The following WDSUB1 variants were observed in gnomAD, a reference collection of about 807,000 sequenced individuals.
WDSUB1 encodes the protein WD repeat, SAM and U-box domain-containing protein 1.
A neutral mutation model predicts 53.9 loss-of-function variants in WDSUB1; 49 were observed. The ratio of observed to expected loss-of-function variants is 0.91; its 90% CI spans 0.72 to 1.15. The LOEUF (loss-of-function observed/expected upper bound fraction) is 1.15. WDSUB1 is among the 50% of genes most tolerant of loss of function. The pLI, the probability that WDSUB1 is intolerant of heterozygous loss-of-function variation, is 0.00. For synonymous variants in WDSUB1, 194 were observed against 200.6 expected, an observed-to-expected ratio of 0.97 and a Z score of 0.28; for missense variants, 514 against 562.0, an observed-to-expected ratio of 0.91 and a Z score of 0.86.
chr2:159,258,019 CAAGT>C (rs1169491656), intron 6 of WDSUB1, 34 bp from the exon 7 acceptor site: 11 of 1,594,028 alleles, frequency 6.9e-6, no homozygotes, highest in Admixed American at 3.3e-5. Context: ...TAAATTTACT[CAAGT>C]AAGAGTAAAG....
rs1466285144 is a variant in WDSUB1 at position 159,257,768 on chromosome 2, TG to T, written c.941del (p.Thr314AsnfsTer12). 6 of 1,613,956 alleles carry T rather than the reference TG, an allele frequency of 3.7e-6. No individual in the cohort carries two copies. The highest frequency in any genetic ancestry group is 5.1e-6 in the Non-Finnish European group (6 of 1,179,822). On this transcript the variant is annotated frameshift_variant, in exon 8 of 11. Coordinates refer to ENST00000359774, the MANE Select transcript of WDSUB1 (RefSeq NM_001128212.3). LOFTEE classifies it high-confidence loss of function. ...GATGTCCTTACTAACCTTGGCAAAGTGTTTCCAGGTCAAATTGCCAGATGTT... is the reference window on the plus strand; with the variant it reads ...GATGTCCTTACTAACCTTGGCAAAGTTTTCCAGGTCAAATTGCCAGATGTT... ...TVNIWQFDLE[T>X]LCQARRTEHQ...
chr2:159,238,257 G>A (rs1204027422), intron 10 of WDSUB1, among the ~76,000 whole-genome samples: 2 of 150,024 alleles, frequency 1.3e-5, no homozygotes, highest in South Asian at 2.1e-4. Context: ...CCCAGAGAGC[G>A]AAGTTTTCCC....
chr2:159,264,407 G>A (rs180892950), intron 5 of WDSUB1, among the ~76,000 whole-genome samples: 2 of 152,324 alleles, frequency 1.3e-5, no homozygotes, highest in Admixed American at 1.3e-4. Context: ...AGTCATTGCT[G>A]AGCAAGAGGG....
Position 159,259,858 on chromosome 2 carries a change from A to G in WDSUB1, c.771-15T>C. On this transcript the variant is annotated splice_polypyrimidine_tract_variant and intron_variant, in intron 5 of 10. Coordinates refer to ENST00000359774, the MANE Select transcript of WDSUB1 (RefSeq NM_001128212.3). Reference sequence around the variant, plus strand: ...TATCCACTGACCTTAAAAGAAAATAAATTATAGGTGAAAAGTTCTATAAAA... The same window carrying G: ...TATCCACTGACCTTAAAAGAAAATAGATTATAGGTGAAAAGTTCTATAAAA... 1 of 1,507,390 alleles carries G rather than the reference A, an allele frequency of 6.6e-7. No homozygotes were observed. The highest frequency in any genetic ancestry group is 9.0e-7 in the Non-Finnish European group (1 of 1,111,168). The allele number at this position is 1,507,390 out of a possible 1,614,324, so 93.4% of individuals were successfully genotyped here. A position where few individuals can be genotyped will look rare whatever the true frequency, so the allele number is the denominator to read the frequency against.
At chr2:159,272,078 G>C (rs2061454392) in intron 4 of WDSUB1, among the ~76,000 whole-genome samples, 1 of 152,184 alleles carries the variant, frequency 6.6e-6, no homozygotes, top group African/African-American at 2.4e-5. Flanking sequence ...CCTATGGCCT[G>C]GGAGCTACAG....
chr2:159,272,361 AG>A (rs2061459823), intron 4 of WDSUB1, among the ~76,000 whole-genome samples: 1 of 152,202 alleles, frequency 6.6e-6, no homozygotes, highest in African/African-American at 2.4e-5. Context: ...GTAGTGACTC[AG>A]GGAAGAGACA....
chr2:159,257,099 C>G (rs1432191219), intron 8 of WDSUB1, among the ~76,000 whole-genome samples: 1 of 152,046 alleles, frequency 6.6e-6, no homozygotes, highest in Non-Finnish European at 1.5e-5. Context: ...CTCCTGGGCT[C>G]AGGTGATCCT....
intron 10 of WDSUB1, 124 bp from the exon 11 acceptor site, chr2:159,236,314 T>C: frequency 1.0e-6 from 1 of 960,340 alleles, no homozygotes; most frequent in Non-Finnish European, 1.5e-6. Flanking sequence ...ATTCCTGTCT[T>C]GCTTGTACCA....
chr2:159,236,056 A>G lies in WDSUB1; in HGVS notation c.1408T>C (p.Trp470Arg), dbSNP rs754990320. The G allele has an allele frequency of 1.9e-6, 3 of 1,607,960 alleles. No individual in the cohort carries two copies. Among genetic ancestry groups the G allele is most frequent in the Non-Finnish European group, 2.5e-6 (3 of 1,178,468 alleles). ...NRTLKMAINRWLETHQK is the reference protein window; with the variant it reads ...NRTLKMAINRRLETHQK ...TTTTACTTTTGGTGTGTCTCCAGCC[A>G]TCTATTGATGGCCATTTTCAGAGTC... is the stretch of plus-strand genomic sequence containing the variant. Residue 470 changes from tryptophan (W) to arginine (R), a missense_variant, in exon 11 of 11, where the codon TGG (tryptophan) becomes CGG (arginine). Transcript: ENST00000359774.
At chr2:159,286,069 C>T (rs988832211) in intron 1 of WDSUB1, among the ~76,000 whole-genome samples, 1 of 152,168 alleles carries the variant, frequency 6.6e-6, no homozygotes, top group Non-Finnish European at 1.5e-5. Flanking sequence ...CTCAGGCCTA[C>T]CCAGGACCTG....
rs569208268 is a variant in WDSUB1 at position 159,283,095 on chromosome 2, T to G, written c.-24-2A>C. On this transcript the variant is annotated splice_acceptor_variant, in intron 1 of 10. Transcript: ENST00000359774. LOFTEE classifies it low-confidence loss of function (5UTR_SPLICE). ...GTTCTTTATTTGAAGAAAAACAGCC[T>G]GAAATTTTTAAGCAGATAAAGATTA... 1 of 1,578,518 alleles carries G rather than the reference T, an allele frequency of 6.3e-7. No individual in the cohort carries two copies. Among genetic ancestry groups the G allele is most frequent in the Admixed American group, 1.8e-5 (1 of 55,736 alleles).
Position 159,283,131 on chromosome 2 carries a change from G to C in WDSUB1, c.-24-38C>G, listed in dbSNP as rs1222126255. 10 of 1,518,794 alleles carry C rather than the reference G, an allele frequency of 6.6e-6. No individual in the cohort carries two copies. In the East Asian group the frequency reaches 2.3e-4, roughly 34 times the overall value. The allele number at this position is 1,518,794 out of a possible 1,614,324, so 94.1% of individuals were successfully genotyped here. On this transcript the variant is annotated intron_variant, in intron 1 of 10. Transcript: ENST00000359774. ...AGCAGATAAAGATTATTTATTCTAG[G>C]AATCAGATACATGCAATTTGAGTCT...
At chr2:159,247,282 AATAATGTGGACAGTGGACAGC>A (rs2060820248) in intron 10 of WDSUB1, among the ~76,000 whole-genome samples, 1 of 152,220 alleles carries the variant, frequency 6.6e-6, no homozygotes, top group African/African-American at 2.4e-5. Context: ...TAGTTCCACT[AATAATGTGGACAGTGGACAGC>A]ATATACAAAG....
At chr2:159,250,979 G>A (rs1417280674) in intron 9 of WDSUB1, among the ~76,000 whole-genome samples, 1 of 151,974 alleles carries the variant, frequency 6.6e-6, no homozygotes, top group Non-Finnish European at 1.5e-5. Flanking sequence ...AATAAGAAAA[G>A]GAGGCTGGGT....
At chr2:159,242,458 C>A (rs754780122) in intron 10 of WDSUB1, among the ~76,000 whole-genome samples, 2 of 146,320 alleles carry the variant, frequency 1.4e-5, no homozygotes, top group African/African-American at 5.4e-5. Context: ...GTTGGGAGAT[C>A]GAGACCATCC....
intron 9 of WDSUB1, among the ~76,000 whole-genome samples, chr2:159,252,404 A>G (rs1391535325): frequency 6.6e-6 from 1 of 152,234 alleles, no homozygotes; most frequent in Non-Finnish European, 1.5e-5. Flanking sequence ...AGGACAAGCC[A>G]TTAACAGCCA....
At chr2:159,258,039 G>A in intron 6 of WDSUB1, 54 bp from the exon 7 acceptor site, 1 of 1,503,720 alleles carries the variant, frequency 6.7e-7, no homozygotes, top group Non-Finnish European at 9.2e-7. Context: ...TAAAGTTACT[G>A]ATGAAGACTC....
chr2:159,254,546 G>C (rs190711812), intron 9 of WDSUB1, among the ~76,000 whole-genome samples: 2 of 152,202 alleles, frequency 1.3e-5, no homozygotes, highest in East Asian at 3.9e-4. Flanking sequence ...GGGCAACAGA[G>C]GGAGACCCTG....
chr2:159,283,007 G>A lies in WDSUB1; in HGVS notation c.63C>T (p.Ser21=), dbSNP rs747134971. The change falls in exon 2 of 11, where the codon TCC becomes TCT. Residue 21 remains serine (S), a synonymous_variant. Transcript: ENST00000359774. ...AGGAGCAAGTAGCCAAGAGGGAAAA[G>A]GAGAAGGCACAGCAGTTGACATCGT... ...HGDDVNCCAF[S]FSLLATCSLD... is the part of the protein sequence containing the mutation. 1 of 1,614,210 alleles carries A rather than the reference G, an allele frequency of 6.2e-7. No homozygotes were observed. Among genetic ancestry groups the A allele is most frequent in the South Asian group, 1.1e-5 (1 of 91,084 alleles).
Sources: allele counts gnomAD v4.1 joint callset (sites outside exome capture counted in the v4.1 genomes callset), GRCh38; gene constraint gnomAD v4.1.1; transcripts MANE v1.5; gene names NCBI Gene and HGNC (gene_info 2026-07-23, HGNC 2026-07-21).